FGGY: variants seen among roughly 807,000 people sequenced by gnomAD.
FGGY encodes FGGY carbohydrate kinase domain-containing protein.
A neutral mutation model predicts 71.3 loss-of-function variants in FGGY; 72 were observed. That is an observed-to-expected ratio of 1.01 (90% confidence interval 0.84 to 1.23). FGGY has a LOEUF of 1.23. Ranked by LOEUF, FGGY falls within the 50% of genes most tolerant of loss-of-function variation. The probability of loss-of-function intolerance (pLI) is 0.00; values close to 1 mark genes in which losing one functional copy is unlikely to be tolerated. For synonymous variants in FGGY, 251 were observed against 250.3 expected (o/e 1.00, Z -0.02); for missense variants, 668 against 682.3 (o/e 0.98, Z 0.23).
At chr1:59,537,840 A>G (rs1160441014) in intron 7 of FGGY, among the ~76,000 whole-genome samples, 3 of 152,208 alleles carry the variant, frequency 2.0e-5, no homozygotes, top group Non-Finnish European at 2.9e-5. Context: ...TTATACAAAA[A>G]TCAATTCAAG....
At chr1:59,499,295 G>GTTTTTTTTTTTTTTT in intron 6 of FGGY, among the ~76,000 whole-genome samples, 1 of 70,088 alleles carries the variant, frequency 1.4e-5, no homozygotes, top group East Asian at 2.9e-4. Context: ...TGTATACTAT[G>GTTTTTTTTTTTTTTT]TTTGTTTTTT....
chr1:59,323,796 T>C (rs148620588), intron 2 of FGGY, among the ~76,000 whole-genome samples: 2 of 152,352 alleles, frequency 1.3e-5, no homozygotes, highest in South Asian at 4.1e-4. Context: ...GTCATAACAT[T>C]GCCTAGAAAT....
chr1:59,649,099 A>G (rs539956576), intron 11 of FGGY, among the ~76,000 whole-genome samples: 13 of 151,976 alleles, frequency 8.6e-5, no homozygotes, highest in Non-Finnish European at 1.8e-4. Flanking sequence ...GTTCTGTTCC[A>G]TTGGTCTATA....
At position 59,374,760 on chromosome 1, in the gene FGGY, G is replaced by T. The variant is rs556310645; in HGVS notation, c.466-3989G>T. 8.6e-5 allele frequency among the ~76,000 whole-genome samples: 13 copies of T among 151,984 alleles called. No homozygotes were observed. The East Asian group carries it at 1.9e-3, about 23-fold the overall frequency. On this transcript the variant is annotated intron_variant, in intron 4 of 15. Transcript: ENST00000303721. ...GAGTTCACATCATGTCCTTTGTAGG[G>T]GCATGGATGAAATTGGAAATCATCA...
intron 2 of FGGY, among the ~76,000 whole-genome samples, chr1:59,330,501 G>A (rs1570472821): frequency 6.6e-6 from 1 of 151,592 alleles, no homozygotes; most frequent in Admixed American, 6.6e-5. Context: ...CCCGGGAGGC[G>A]GAGGTTGCAA....
Position 59,395,099 on chromosome 1 carries a change from A to G in FGGY, c.554+16262A>G, listed in dbSNP as rs948531708. ...TACACACTACTGTTTCATTTTTCCT[A>G]TAGTTCTTCAAGAACTTCTCTCATT... On this transcript the variant is annotated intron_variant, in intron 5 of 15. Transcript: ENST00000303721. 4.6e-5 allele frequency among the ~76,000 whole-genome samples: 7 copies of G among 151,978 alleles called. No homozygotes were observed. The East Asian group carries it at 1.2e-3, about 25-fold the overall frequency.
chr1:59,372,162 T>C (rs543490418), intron 4 of FGGY, among the ~76,000 whole-genome samples: 4,288 of 152,100 alleles, frequency 0.028, 222 homozygotes, highest in African/African-American at 0.098. Context: ...TGATAGACCG[T>C]TAGCAAGACT....
intron 14 of FGGY, among the ~76,000 whole-genome samples, chr1:59,685,707 T>A (rs1219706642): frequency 6.6e-6 from 1 of 152,190 alleles, no homozygotes; most frequent in Admixed American, 6.5e-5. Flanking sequence ...ACCAAATATC[T>A]ATGGGACAGA....
At chr1:59,575,099 A>G (rs969559431) in intron 8 of FGGY, among the ~76,000 whole-genome samples, 3 of 152,204 alleles carry the variant, frequency 2.0e-5, no homozygotes, top group Non-Finnish European at 2.9e-5. Context: ...ATTACCTCAC[A>G]TACTTTTTTG....
At chr1:59,521,363 T>C (rs571786065) in intron 7 of FGGY, among the ~76,000 whole-genome samples, 1 of 152,272 alleles carries the variant, frequency 6.6e-6, no homozygotes, top group South Asian at 2.1e-4. Context: ...CTTGGAGTGC[T>C]GTGATTCTCT....
chr1:59,756,968 C>T lies in FGGY; in HGVS notation c.1513-963C>T, dbSNP rs114261067. On this transcript the variant is annotated intron_variant, in intron 14 of 15. Coordinates refer to ENST00000303721, the MANE Select transcript of FGGY (RefSeq NM_018291.5). ...AGTTTCTCCAGGATAAAGAGTATGTCGTATGCAAATCTGTATCCCTAGCAG... is the reference window on the plus strand; with the variant it reads ...AGTTTCTCCAGGATAAAGAGTATGTTGTATGCAAATCTGTATCCCTAGCAG... 1.7e-3 allele frequency among the ~76,000 whole-genome samples: 247 copies of T among 148,882 alleles called. 1 individual carries two copies. The highest frequency in any genetic ancestry group is 5.9e-3 in the African/African-American group (237 of 40,164).
chr1:59,569,281 A>G (rs1458898476), intron 8 of FGGY, among the ~76,000 whole-genome samples: 3 of 152,218 alleles, frequency 2.0e-5, no homozygotes, highest in Non-Finnish European at 4.4e-5. Flanking sequence ...AATAAAAAGA[A>G]CAAAAGGTAA....
intron 7 of FGGY, among the ~76,000 whole-genome samples, chr1:59,513,133 A>G (rs1184041397): frequency 1.3e-5 from 2 of 152,052 alleles, no homozygotes; most frequent in African/African-American, 4.8e-5. Context: ...GGTTCTCAGC[A>G]TCTCTCATCT....
rs560708383 is a variant in FGGY, at chr1:59,457,047, A to T, written c.641A>T (p.Asp214Val). The change falls in exon 6 of 16, where the codon GAC becomes GTC. Residue 214 changes from aspartate to valine, a missense_variant. Physicochemically the swap from Asp to Val is radical, Grantham distance 152. This residue lies in a region of FGGY where 661 missense variants were observed against 661.6 expected (regional missense o/e 1.00). Coordinates refer to ENST00000303721, the MANE Select transcript of FGGY (RefSeq NM_018291.5). ...TTCTGGAAAATGATTGGTTTGGAAGACTTTGTTGCAGATAATTACAGCAAA... is the reference window on the plus strand; with the variant it reads ...TTCTGGAAAATGATTGGTTTGGAAGTCTTTGTTGCAGATAATTACAGCAAA... ...DSFWKMIGLE[D>V]FVADNYSKIG... is the part of the protein sequence containing the mutation. 133 of 1,613,952 alleles carry T rather than the reference A, an allele frequency of 8.2e-5. 3 individuals are homozygous for T. In the South Asian group the frequency reaches 1.3e-3, roughly 16 times the overall value.
intron 8 of FGGY, among the ~76,000 whole-genome samples, chr1:59,575,155 A>G (rs1571489989): frequency 6.6e-6 from 1 of 152,174 alleles, no homozygotes. Flanking sequence ...TTTCAAATAT[A>G]CAATACATTT....
chr1:59,445,817 C>G (rs977860387), intron 5 of FGGY, among the ~76,000 whole-genome samples: 2 of 152,100 alleles, frequency 1.3e-5, no homozygotes, highest in African/African-American at 4.8e-5. Flanking sequence ...TTGGAGTAAC[C>G]AGTCTTTGTA....
chr1:59,439,195 G>A (rs1342656493), intron 5 of FGGY, among the ~76,000 whole-genome samples: 4 of 152,062 alleles, frequency 2.6e-5, no homozygotes, highest in African/African-American at 9.7e-5. Context: ...TCTTGTCTCC[G>A]TGTGCCTGAC....
chr1:59,687,562 G>A (rs971320938), intron 14 of FGGY, among the ~76,000 whole-genome samples: 3 of 151,814 alleles, frequency 2.0e-5, no homozygotes, highest in East Asian at 3.9e-4. Flanking sequence ...TGCCTCCTGG[G>A]TTCACGCCAT....
intron 10 of FGGY, among the ~76,000 whole-genome samples, chr1:59,634,181 C>T (rs909297643): frequency 2.6e-5 from 4 of 152,156 alleles, no homozygotes; most frequent in South Asian, 2.1e-4. Context: ...CTGAGACGGG[C>T]GGATCACGAG....
Sources: allele counts gnomAD v4.1 joint callset (sites outside exome capture counted in the v4.1 genomes callset), GRCh38; gene constraint gnomAD v4.1.1; regional missense constraint gnomAD v4.1.1; transcripts MANE v1.5; gene names NCBI Gene and HGNC (gene_info 2026-07-23, HGNC 2026-07-21).